Variants in SASH1 observed in about 807,000 individuals in gnomAD.
SASH1 encodes the protein SAM and SH3 domain containing 1.
Under a neutral mutation model 125.2 loss-of-function variants are expected in SASH1, and 44 were observed. The ratio of observed to expected loss-of-function variants is 0.35; its 90% CI spans 0.28 to 0.45. The LOEUF is 0.45. SASH1 is among the 20% of genes least tolerant of loss of function. The probability of loss-of-function intolerance (pLI) is 1.00; values close to 1 mark genes in which losing one functional copy is unlikely to be tolerated. For missense variants in SASH1, 1,426 were observed against 1,614.5 expected (o/e 0.88, Z 2.00); for synonymous variants, 639 against 649.1 (o/e 0.98, Z 0.24).
chr6:148,390,990 A>C (rs1164468916), intron 2 of SASH1, among the ~76,000 whole-genome samples: 1 of 151,874 alleles, frequency 6.6e-6, no homozygotes, highest in African/African-American at 2.4e-5. Flanking sequence ...AATTTTAAGG[A>C]ACAATAAATC....
chr6:148,487,870 G>A (rs1194454986), intron 8 of SASH1, among the ~76,000 whole-genome samples, 155 bp downstream of exon 8: 1 of 150,836 alleles, frequency 6.6e-6, no homozygotes, highest in African/African-American at 2.4e-5. Context: ...TTCTCTACCT[G>A]ACAGAGACTC....
intron 5 of SASH1, among the ~76,000 whole-genome samples, chr6:148,469,985 C>T (rs755744101): frequency 6.7e-6 from 1 of 150,086 alleles, no homozygotes; most frequent in Non-Finnish European, 1.5e-5. Flanking sequence ...AAGATTGCAC[C>T]GCTGCACTCC....
At chr6:148,508,468 G>C in intron 8 of SASH1, 1 of 1,000,648 alleles carries the variant, frequency 1.0e-6, no homozygotes, top group Non-Finnish European at 1.2e-6. Flanking sequence ...TAAGGAACTG[G>C]AGGCCAGCAG....
the SASH1 span, among the ~76,000 whole-genome samples, chr6:148,267,110 T>C: frequency 6.6e-6 from 1 of 152,172 alleles, no homozygotes; most frequent in Non-Finnish European, 1.5e-5. Context: ...TAACCAACTC[T>C]AACCTACTTC....
intron 10 of SASH1, among the ~76,000 whole-genome samples, chr6:148,520,700 C>G (rs1583294283): frequency 6.6e-6 from 1 of 152,062 alleles, no homozygotes; most frequent in Non-Finnish European, 1.5e-5. Context: ...TCTTGATTCT[C>G]GGCCATTATG....
chr6:148,531,742 C>A, intron 13 of SASH1, 81 bp downstream of exon 13: 1 of 1,207,370 alleles, frequency 8.3e-7, no homozygotes, highest in Non-Finnish European at 1.1e-6. Context: ...CAGGCAATTT[C>A]AAGGTGAATA....
chr6:148,434,062 GATTTT>G (rs1377252470), intron 2 of SASH1, among the ~76,000 whole-genome samples: 6 of 120,292 alleles, frequency 5.0e-5, no homozygotes, highest in African/African-American at 1.5e-4. Flanking sequence ...GGGAACTGGA[GATTTT>G]TTTTTTTTTT....
At position 148,548,789 on chromosome 6, in the gene SASH1, A is replaced by G; in HGVS notation, c.*231A>G. Reference sequence around the variant, plus strand: ...CTCTTTGACCCCCAAAGACAAGACAAGCACTTATTTTTATTTTCAGAAGAC... The same window carrying G: ...CTCTTTGACCCCCAAAGACAAGACAGGCACTTATTTTTATTTTCAGAAGAC... On this transcript the variant is annotated 3_prime_UTR_variant, in exon 20 of 20. Coordinates refer to ENST00000367467, the MANE Select transcript of SASH1 (RefSeq NM_015278.5). 1 of 461,548 alleles carries G rather than the reference A, an allele frequency of 2.2e-6. No homozygotes were observed. Among genetic ancestry groups the G allele is most frequent in the Admixed American group, 3.9e-5 (1 of 25,920 alleles). 28.6% of individuals were successfully genotyped at this position (461,548 alleles called of 1,614,324 possible). A position where few individuals can be genotyped will look rare whatever the true frequency, so the allele number is the denominator to read the frequency against.
At chr6:148,315,060 G>A (rs916041768) in intron 1 of SASH1, among the ~76,000 whole-genome samples, 15 of 152,080 alleles carry the variant, frequency 9.9e-5, no homozygotes, top group African/African-American at 2.2e-4. Flanking sequence ...ACTCAGCCCC[G>A]TATAAATGAT....
chr6:148,541,078 G>A (rs1224494843), intron 17 of SASH1, among the ~76,000 whole-genome samples: 3 of 151,942 alleles, frequency 2.0e-5, no homozygotes, highest in Non-Finnish European at 4.4e-5. Flanking sequence ...GGAGTCTTAA[G>A]TGGTATGGGG....
the SASH1 span, among the ~76,000 whole-genome samples, chr6:148,225,699 G>T: frequency 6.6e-6 from 1 of 152,046 alleles, no homozygotes. Context: ...ACGAAAAACC[G>T]CCTGTACCCC....
the SASH1 span, among the ~76,000 whole-genome samples, chr6:148,220,334 G>A: frequency 6.6e-6 from 1 of 152,266 alleles, no homozygotes; most frequent in South Asian, 2.1e-4. Flanking sequence ...CGGAAGTGCA[G>A]AAGAGCGAAG....
chr6:148,514,769 C>T (rs1780347465), intron 9 of SASH1, among the ~76,000 whole-genome samples: 1 of 152,300 alleles, frequency 6.6e-6, no homozygotes, highest in Middle Eastern at 3.4e-3. Context: ...TTTATATAAA[C>T]TTTCTAACTT....
chr6:148,422,241 C>T (rs1462329041), intron 2 of SASH1, among the ~76,000 whole-genome samples: 1 of 152,220 alleles, frequency 6.6e-6, no homozygotes, highest in Non-Finnish European at 1.5e-5. Flanking sequence ...CTGCCAGAAC[C>T]ATGCGGGGTC....
At chr6:148,326,822 C>T (rs1228594794) in intron 1 of SASH1, among the ~76,000 whole-genome samples, 1 of 152,132 alleles carries the variant, frequency 6.6e-6, no homozygotes, top group Non-Finnish European at 1.5e-5. Flanking sequence ...GCAATGCATG[C>T]CACTAAATGA....
chr6:148,275,595 C>G (rs564915218), intron 1 of SASH1, among the ~76,000 whole-genome samples: 5 of 152,316 alleles, frequency 3.3e-5, no homozygotes, highest in South Asian at 2.1e-4. Context: ...CCTCCATTGA[C>G]CTTCCAAAAT....
intron 17 of SASH1, 151 bp downstream of exon 17, chr6:148,540,707 T>C (rs1782167536): frequency 1.6e-6 from 1 of 624,650 alleles, no homozygotes; most frequent in Non-Finnish European, 2.8e-6. Context: ...CAAGTTAGCC[T>C]CCCTATCTAT....
chr6:148,214,730 C>T, the SASH1 span, among the ~76,000 whole-genome samples: 458 of 152,246 alleles, frequency 3.0e-3, 2 homozygotes, highest in African/African-American at 0.01. Context: ...TTAGAGAATT[C>T]GTGCTTGGAT....
chr6:148,215,177 G>A, the SASH1 span, among the ~76,000 whole-genome samples: 1 of 152,280 alleles, frequency 6.6e-6, no homozygotes, highest in African/African-American at 2.4e-5. Context: ...TGTGAGAAGG[G>A]CCACTCACCT....
Sources: allele counts gnomAD v4.1 joint callset (sites outside exome capture counted in the v4.1 genomes callset), GRCh38; gene constraint gnomAD v4.1.1; transcripts MANE v1.5; gene names NCBI Gene and HGNC (gene_info 2026-07-23, HGNC 2026-07-21).